Variants in MIB1 observed in about 807,000 individuals in gnomAD.
MIB1 encodes the protein E3 ubiquitin-protein ligase MIB1.
MIB1 carries 278 observed loss-of-function variants against 124.5 expected under a neutral mutation model. That is an observed-to-expected ratio of 2.23 (90% CI 2.02 to 2.47). MIB1 has a LOEUF of 2.47. Among genes scored for constraint, MIB1 ranks in the 30% most tolerant of loss-of-function variants. MIB1 has a pLI of 0.00. For missense variants in MIB1, 957 were observed against 1,254.4 expected (o/e 0.76, Z 3.58); for synonymous variants, 446 against 429.4 (o/e 1.04, Z -0.48).
rs368466260 is a variant in MIB1, at chr18:21,853,234, A to G, written c.2665+16A>G. 2.0e-6 allele frequency: 3 copies of G among 1,528,226 alleles called. No individual in the cohort carries two copies. Among genetic ancestry groups the G allele is most frequent in the South Asian group, 2.3e-5 (2 of 86,998 alleles). 94.7% of individuals were successfully genotyped at this position (1,528,226 alleles called of 1,614,324 possible). A position where few individuals can be genotyped will look rare whatever the true frequency, so the allele number is the denominator to read the frequency against. On this transcript the variant is annotated intron_variant, in intron 18 of 20. Transcript: ENST00000261537. ...GCTTGTGAGAGTAAGTAGCCTATGC[A>G]GAGTTCCTCAATATTATTATAAAAA...
upstream of MIB1, among the ~76,000 whole-genome samples, chr18:21,738,747 CA>C (rs2040806614): frequency 7.7e-6 from 1 of 129,638 alleles, no homozygotes; most frequent in Admixed American, 9.1e-5. Context: ...ATGGAGCTTG[CA>C]GTGAGCTGAG....
At chr18:21,840,870 G>A (rs2042082294) in intron 13 of MIB1, among the ~76,000 whole-genome samples, 1 of 151,532 alleles carries the variant, frequency 6.6e-6, no homozygotes, top group African/African-American at 2.4e-5. Context: ...ATTAGTATTA[G>A]TATATTATCT....
At chr18:21,835,553 G>T (rs1020313417) in intron 12 of MIB1, among the ~76,000 whole-genome samples, 1 of 151,642 alleles carries the variant, frequency 6.6e-6, no homozygotes, top group Non-Finnish European at 1.5e-5. Context: ...GGATCACGAG[G>T]TCAGGAGTTC....
At chr18:21,734,633 A>AT (rs1421519455) in intron 1 of MIB1, among the ~76,000 whole-genome samples, 14 of 151,728 alleles carry the variant, frequency 9.2e-5, no homozygotes, top group African/African-American at 3.4e-4. Flanking sequence ...GGTTCAAGTG[A>AT]TTCTTTTGCC....
At chr18:21,790,427 G>C (rs1326204327) in intron 6 of MIB1, among the ~76,000 whole-genome samples, 1 of 152,102 alleles carries the variant, frequency 6.6e-6, no homozygotes, top group African/African-American at 2.4e-5. Flanking sequence ...CAGTTAAATT[G>C]AATTAAGGTC....
intron 12 of MIB1, among the ~76,000 whole-genome samples, chr18:21,823,121 C>T (rs1230849730): frequency 1.3e-5 from 2 of 151,700 alleles, no homozygotes; most frequent in East Asian, 3.9e-4. Flanking sequence ...GTAGTTCCAG[C>T]TACTCGGGAG....
intron 1 of MIB1, among the ~76,000 whole-genome samples, chr18:21,718,719 G>A (rs2040700928): frequency 1.3e-5 from 2 of 152,298 alleles, no homozygotes; most frequent in Middle Eastern, 3.4e-3. Context: ...GTGAGTTACT[G>A]GCAAGACAGG....
intron 7 of MIB1, among the ~76,000 whole-genome samples, chr18:21,796,082 ATGTT>A (rs1279170150): frequency 6.6e-6 from 1 of 151,972 alleles, no homozygotes; most frequent in African/African-American, 2.4e-5. Context: ...TGAGAAGTGT[ATGTT>A]CATATCTTTT....
chr18:21,732,633 A>G (rs1309457318), intron 1 of MIB1, among the ~76,000 whole-genome samples: 1 of 152,132 alleles, frequency 6.6e-6, no homozygotes, highest in African/African-American at 2.4e-5. Flanking sequence ...TCCTGGGATC[A>G]AGTGATCCTC....
intron 12 of MIB1, chr18:21,825,593 A>C (rs1179131617): frequency 2.2e-6 from 1 of 449,454 alleles, no homozygotes; most frequent in African/African-American, 2.0e-5. Flanking sequence ...ATTAACAGTA[A>C]CAAGTTATTT....
At chr18:21,708,099 C>A (rs986883367) in intron 1 of MIB1, among the ~76,000 whole-genome samples, 1 of 152,158 alleles carries the variant, frequency 6.6e-6, no homozygotes, top group South Asian at 2.1e-4. Flanking sequence ...AATACCATCA[C>A]CTTGAGGGGC....
At chr18:21,817,154 C>CTTTTTTTT (rs1040673828) in intron 11 of MIB1, among the ~76,000 whole-genome samples, 7 of 75,010 alleles carry the variant, frequency 9.3e-5, no homozygotes, top group East Asian at 4.5e-4. Flanking sequence ...GTTAGGAATT[C>CTTTTTTTT]TTTTTTTTTT....
chr18:21,848,490 A>G (rs376092998), intron 16 of MIB1, among the ~76,000 whole-genome samples: 1 of 152,160 alleles, frequency 6.6e-6, no homozygotes, highest in Non-Finnish European at 1.5e-5. Flanking sequence ...ATAAGGCACT[A>G]TAATTATTGC....
chr18:21,717,955 C>A (rs1300369130), intron 1 of MIB1, among the ~76,000 whole-genome samples: 1 of 152,182 alleles, frequency 6.6e-6, no homozygotes, highest in African/African-American at 2.4e-5. Flanking sequence ...ATGTTTATAG[C>A]AGCACAATTC....
At chr18:21,815,012 T>TATATAC (rs2041813218) in intron 10 of MIB1, among the ~76,000 whole-genome samples, 1 of 2,672 alleles carries the variant, frequency 3.7e-4, no homozygotes, top group African/African-American at 1.3e-3. Context: ...CTGTTGGTTT[T>TATATAC]ATATATATAT....
intron 2 of MIB1, among the ~76,000 whole-genome samples, chr18:21,766,565 C>T (rs916082422): frequency 2.0e-5 from 3 of 151,926 alleles, no homozygotes; most frequent in African/African-American, 4.8e-5. Flanking sequence ...TGCAAAGGAG[C>T]GAGAATCCAG....
At chr18:21,859,756 G>T (rs2042258010) in intron 20 of MIB1, among the ~76,000 whole-genome samples, 2 of 151,718 alleles carry the variant, frequency 1.3e-5, no homozygotes, top group South Asian at 4.2e-4. Context: ...AGGCATGGTG[G>T]CGCGCACCTG....
chr18:21,778,984 A>G (rs2041326057), intron 5 of MIB1, among the ~76,000 whole-genome samples: 1 of 152,174 alleles, frequency 6.6e-6, no homozygotes, highest in Non-Finnish European at 1.5e-5. Flanking sequence ...CTAGCTTTTG[A>G]AAATAATCTA....
intron 12 of MIB1, chr18:21,829,057 G>T: frequency 2.1e-6 from 1 of 478,312 alleles, no homozygotes; most frequent in Non-Finnish European, 4.4e-6. Flanking sequence ...TGTTCATATG[G>T]GTACATAAAG....
Sources: allele counts gnomAD v4.1 joint callset (sites outside exome capture counted in the v4.1 genomes callset), GRCh38; gene constraint gnomAD v4.1.1; transcripts MANE v1.5; gene names NCBI Gene and HGNC (gene_info 2026-07-23, HGNC 2026-07-21).